Variants in RTL10 observed in about 807,000 individuals in gnomAD.
RTL10 encodes retrotransposon Gag like 10.
For synonymous variants in RTL10, 199 were observed against 188.4 expected, an observed-to-expected ratio of 1.06 and a Z score of -0.46; for missense variants, 477 against 470.7, an observed-to-expected ratio of 1.01 and a Z score of -0.12.
At position 19,852,099 on chromosome 22, in the gene RTL10, T is replaced by C; in HGVS notation, c.163A>G (p.Thr55Ala). The C allele has an allele frequency of 6.2e-7, 1 of 1,614,212 alleles. No individual in the cohort carries two copies. The highest frequency in any genetic ancestry group is 8.5e-7 in the Non-Finnish European group (1 of 1,180,038). The change falls in exon 3 of 3, where the codon ACC becomes GCC. Residue 55 changes from threonine to alanine, a missense_variant. Thr to Ala is a moderately conservative substitution (Grantham distance 58). Coordinates refer to ENST00000328554, the MANE Select transcript of RTL10 (RefSeq NM_024627.6). ...TCCATGGTCGTTCGCACACACACGG[T>C]GTCCCCACAGCAGGGCCGCTCAATC... Reference protein sequence around the residue: ...PWIERPCCGDTVCVRTTMEQK... With the variant: ...PWIERPCCGDAVCVRTTMEQK...
rs1938037615 is a variant in RTL10 at position 19,849,330 on chromosome 22, C to CAA, written c.*1835_*1836dup. ...AGTGATAGTTACCATAAAATAATCCCAACAATTTATATTTTTCTAAATAAG... is the reference window on the plus strand; with the variant it reads ...AGTGATAGTTACCATAAAATAATCCCAAAACAATTTATATTTTTCTAAATAAG... On this transcript the variant is annotated 3_prime_UTR_variant, in exon 3 of 3. Transcript: ENST00000328554. 1.0e-6 allele frequency: 1 copy of CAA among 968,800 alleles called. No individual in the cohort carries two copies. The highest frequency in any genetic ancestry group is 1.2e-6 in the Non-Finnish European group (1 of 817,126). 60.0% of individuals were successfully genotyped at this position (968,800 alleles called of 1,614,324 possible).
At chr22:19,853,330 CCCCT>C (rs1411840459) in intron 2 of RTL10, among the ~76,000 whole-genome samples, 1 of 152,172 alleles carries the variant, frequency 6.6e-6, no homozygotes, top group Non-Finnish European at 1.5e-5. Flanking sequence ...GCTGGACCCG[CCCCT>C]CCTTCTCCAC....
At position 19,848,288 on chromosome 22, in the gene RTL10, C is replaced by A. The variant is rs1385328404; in HGVS notation, c.*2879G>T. On this transcript the variant is annotated 3_prime_UTR_variant, in exon 3 of 3. Coordinates refer to ENST00000328554, the MANE Select transcript of RTL10 (RefSeq NM_024627.6). Reference sequence around the variant, plus strand: ...AAGCAGAGCCAGCACCATGGCCCGTCCCTGAGCATGTCCAGCAAACCCTGC... The same window carrying A: ...AAGCAGAGCCAGCACCATGGCCCGTACCTGAGCATGTCCAGCAAACCCTGC... 2.0e-6 allele frequency: 2 copies of A among 985,362 alleles called. No homozygotes were observed. The highest frequency in any genetic ancestry group is 4.7e-5 in the South Asian group (1 of 21,296). 61.0% of individuals were successfully genotyped at this position (985,362 alleles called of 1,614,324 possible).
rs754490031 is a variant in RTL10 at position 19,851,199 on chromosome 22, G to C, written c.1063C>G (p.Pro355Ala). ...PQEVVEAPET[P>A]GEPPLSPGF is the part of the protein sequence containing the mutation. Reference sequence around the variant, plus strand: ...CCAGGAGAAAGTGGTGGCTCTCCTGGGGTCTCCGGGGCCTCCACCACCTCC... The same window carrying C: ...CCAGGAGAAAGTGGTGGCTCTCCTGCGGTCTCCGGGGCCTCCACCACCTCC... Residue 355 changes from proline (P) to alanine (A), a missense_variant, in exon 3 of 3, where the codon CCA becomes GCA. By Grantham distance (27) the Pro-to-Ala change is conservative (BLOSUM62 -1). Transcript: ENST00000328554. 2.5e-6 allele frequency: 4 copies of C among 1,591,778 alleles called. No individual in the cohort carries two copies. The highest frequency in any genetic ancestry group is 3.4e-6 in the Non-Finnish European group (4 of 1,168,452).
At position 19,849,310 on chromosome 22, in the gene RTL10, T is replaced by C. The variant is rs990696885; in HGVS notation, c.*1857A>G. On this transcript the variant is annotated 3_prime_UTR_variant, in exon 3 of 3. Transcript: ENST00000328554. ...CTGAACCCAGAGCCTTTTCTAGTGA[T>C]AGTTACCATAAAATAATCCCAACAA... is the stretch of plus-strand genomic sequence containing the variant. 8.1e-5 allele frequency: 79 copies of C among 978,802 alleles called. No individual in the cohort carries two copies. Among genetic ancestry groups the C allele is most frequent in the Non-Finnish European group, 8.0e-5 (66 of 824,288 alleles). The allele number at this position is 978,802 out of a possible 1,614,324, so 60.6% of individuals were successfully genotyped here.
Position 19,851,772 on chromosome 22 carries a change from G to A in RTL10, c.490C>T (p.Leu164=), listed in dbSNP as rs1459841734. Residue 164 remains leucine, a synonymous_variant, in exon 3 of 3, where the codon CTG becomes TTG. Coordinates refer to ENST00000328554, the MANE Select transcript of RTL10 (RefSeq NM_024627.6). ...AAPYLDGDLP[L]PDDYELFCQD... is the part of the protein sequence containing the mutation. ...CAGAAGAGCTCGTAATCGTCAGGCA[G>A]GGGCAGGTCCCCATCAAGGTAGGGG... 1.9e-6 allele frequency: 3 copies of A among 1,612,842 alleles called. No individual in the cohort carries two copies. In the South Asian group the frequency reaches 3.3e-5, roughly 18 times the overall value.
In RTL10 at chr22:19,851,817, G is replaced by C; in HGVS notation, c.445C>G (p.Arg149Gly). 6.2e-7 allele frequency: 1 copy of C among 1,614,024 alleles called. No individual in the cohort carries two copies. The highest frequency in any genetic ancestry group is 1.1e-5 in the South Asian group (1 of 91,084). ...VCEILRRLTG[R>G]AQAWAAPYLD... is the part of the protein sequence containing the mutation. ...TAGGGGGCTGCCCAGGCCTGGGCTC[G>C]GCCTGTTAGGCGCCTGAGGATCTCG... is the stretch of plus-strand genomic sequence containing the variant. Residue 149 changes from arginine (R) to glycine (G), a missense_variant, in exon 3 of 3, where the codon CGA becomes GGA. Coordinates refer to ENST00000328554, the MANE Select transcript of RTL10 (RefSeq NM_024627.6).
chr22:19,847,803 G>GGAAA lies in RTL10; in HGVS notation c.*3363_*3364insTTTC, dbSNP rs1468350618. Reference sequence around the variant, plus strand: ...AACTTTTAAAATCCTGGAATCATAGGCAAAAAAAAAAAAAAAAAAAAATTC... The same window carrying GGAAA: ...AACTTTTAAAATCCTGGAATCATAGGGAAACAAAAAAAAAAAAAAAAAAAAATTC... On this transcript the variant is annotated 3_prime_UTR_variant, in exon 3 of 3. Coordinates refer to ENST00000328554, the MANE Select transcript of RTL10 (RefSeq NM_024627.6). 2 of 439,104 alleles carry GGAAA rather than the reference G, an allele frequency of 4.6e-6. No individual in the cohort carries two copies. The highest frequency in any genetic ancestry group is 8.9e-5 in the African/African-American group (2 of 22,440). 27.2% of individuals were successfully genotyped at this position (439,104 alleles called of 1,614,324 possible). A position where few individuals can be genotyped will look rare whatever the true frequency, so the allele number is the denominator to read the frequency against.
rs1211492872 is a variant in RTL10 at position 19,849,183 on chromosome 22, T to C, written c.*1984A>G. 7 of 985,450 alleles carry C rather than the reference T, an allele frequency of 7.1e-6. No individual in the cohort carries two copies. Among genetic ancestry groups the C allele is most frequent in the Non-Finnish European group, 8.4e-6 (7 of 829,932 alleles). The allele number at this position is 985,450 out of a possible 1,614,324, so 61.0% of individuals were successfully genotyped here. On this transcript the variant is annotated 3_prime_UTR_variant, in exon 3 of 3. Transcript: ENST00000328554. ...AGCTCACTTGCTTTGCTACCAGGGCTATACCTGCTTTCTAAAAATAGCTTC... is the reference window on the plus strand; with the variant it reads ...AGCTCACTTGCTTTGCTACCAGGGCCATACCTGCTTTCTAAAAATAGCTTC...
In RTL10 at chr22:19,848,415, A is replaced by G; in HGVS notation, c.*2752T>C. Reference sequence around the variant, plus strand: ...GGGAATGCCTCCTTCCCCCAGCAGGAAAGCAGCTTGGTCATCATCTGTCTG... The same window carrying G: ...GGGAATGCCTCCTTCCCCCAGCAGGGAAGCAGCTTGGTCATCATCTGTCTG... On this transcript the variant is annotated 3_prime_UTR_variant, in exon 3 of 3. Transcript: ENST00000328554. The G allele has an allele frequency of 2.3e-5, 23 of 985,514 alleles. No homozygotes were observed. The highest frequency in any genetic ancestry group is 2.8e-5 in the Non-Finnish European group (23 of 830,002). 61.0% of individuals were successfully genotyped at this position (985,514 alleles called of 1,614,324 possible).
Position 19,851,107 on chromosome 22 carries a change from G to T in RTL10, c.*60C>A. The stretch of plus-strand genomic sequence containing the variant: ...CTGCTCTGACTGGGGACTATGGGGC[G>T]CTCAAGCCACACAGGCCACTTCATC... On this transcript the variant is annotated 3_prime_UTR_variant, in exon 3 of 3. Transcript: ENST00000328554. 1 of 1,507,536 alleles carries T rather than the reference G, an allele frequency of 6.6e-7. No individual in the cohort carries two copies. The allele number at this position is 1,507,536 out of a possible 1,614,324, so 93.4% of individuals were successfully genotyped here. A position where few individuals can be genotyped will look rare whatever the true frequency, so the allele number is the denominator to read the frequency against.
rs1937997597 is a variant in RTL10, at chr22:19,847,804, C to CAAAAAAAAGAAAAAAAAAAA, written c.*3362_*3363insTTTTTTTTTTTCTTTTTTTT. 1 of 533,108 alleles carries CAAAAAAAAGAAAAAAAAAAA rather than the reference C, an allele frequency of 1.9e-6. No homozygotes were observed. Among genetic ancestry groups the CAAAAAAAAGAAAAAAAAAAA allele is most frequent in the Non-Finnish European group, 2.2e-6 (1 of 447,428 alleles). The allele number at this position is 533,108 out of a possible 1,614,324, so 33.0% of individuals were successfully genotyped here. A position where few individuals can be genotyped will look rare whatever the true frequency, so the allele number is the denominator to read the frequency against. On this transcript the variant is annotated 3_prime_UTR_variant, in exon 3 of 3. Transcript: ENST00000328554. Reference sequence around the variant, plus strand: ...ACTTTTAAAATCCTGGAATCATAGGCAAAAAAAAAAAAAAAAAAAAATTCA... The same window carrying CAAAAAAAAGAAAAAAAAAAA: ...ACTTTTAAAATCCTGGAATCATAGGCAAAAAAAAGAAAAAAAAAAAAAAAAAAAAAAAAAAAAAAAATTCA...
At position 19,848,408 on chromosome 22, in the gene RTL10, CA is replaced by C; in HGVS notation, c.*2758del. Reference sequence around the variant, plus strand: ...ACCCAGGGGGAATGCCTCCTTCCCCCAGCAGGAAAGCAGCTTGGTCATCATC... The same window carrying C: ...ACCCAGGGGGAATGCCTCCTTCCCCCGCAGGAAAGCAGCTTGGTCATCATC... On this transcript the variant is annotated 3_prime_UTR_variant, in exon 3 of 3. Coordinates refer to ENST00000328554, the MANE Select transcript of RTL10 (RefSeq NM_024627.6). The C allele has an allele frequency of 3.0e-6, 3 of 985,504 alleles. No individual in the cohort carries two copies. Among genetic ancestry groups the C allele is most frequent in the Non-Finnish European group, 3.6e-6 (3 of 830,000 alleles). The allele number at this position is 985,504 out of a possible 1,614,324, so 61.0% of individuals were successfully genotyped here. A position where few individuals can be genotyped will look rare whatever the true frequency, so the allele number is the denominator to read the frequency against.
In RTL10 at chr22:19,848,119, T is replaced by C; in HGVS notation, c.*3048A>G. ...AATATTCCAATATCCCATAGGACCT[T>C]ATCCTTAGTACTTCCTATTTTAAAG... On this transcript the variant is annotated 3_prime_UTR_variant, in exon 3 of 3. Transcript: ENST00000328554. 1.0e-6 allele frequency: 1 copy of C among 984,724 alleles called. No individual in the cohort carries two copies. Among genetic ancestry groups the C allele is most frequent in the Non-Finnish European group, 1.2e-6 (1 of 829,524 alleles). 61.0% of individuals were successfully genotyped at this position (984,724 alleles called of 1,614,324 possible).
At position 19,851,337 on chromosome 22, in the gene RTL10, G is replaced by A; in HGVS notation, c.925C>T (p.Pro309Ser). Residue 309 changes from proline to serine, a missense_variant, in exon 3 of 3, where the codon CCT (proline) becomes TCT (serine). Pro to Ser is a moderately conservative substitution (Grantham distance 74). Transcript: ENST00000328554. ...PVPRLSESAN[P>S]PAQRPDPAHP... is the part of the protein sequence containing the mutation. Reference sequence around the variant, plus strand: ...GCTGGGTCTGGTCTCTGGGCAGGAGGATTAGCTGACTCCGACAGTCTAGGG... The same window carrying A: ...GCTGGGTCTGGTCTCTGGGCAGGAGAATTAGCTGACTCCGACAGTCTAGGG... 1.2e-6 allele frequency: 2 copies of A among 1,614,138 alleles called. No individual in the cohort carries two copies. Among genetic ancestry groups the A allele is most frequent in the African/African-American group, 1.3e-5 (1 of 75,034 alleles).
In RTL10 at chr22:19,847,769, G is replaced by A; in HGVS notation, c.*3398C>T. 1 of 896,478 alleles carries A rather than the reference G, an allele frequency of 1.1e-6. No individual in the cohort carries two copies. Among genetic ancestry groups the A allele is most frequent in the Non-Finnish European group, 1.3e-6 (1 of 766,424 alleles). 55.5% of individuals were successfully genotyped at this position (896,478 alleles called of 1,614,324 possible). A position where few individuals can be genotyped will look rare whatever the true frequency, so the allele number is the denominator to read the frequency against. On this transcript the variant is annotated 3_prime_UTR_variant, in exon 3 of 3. Transcript: ENST00000328554. ...ACTTCTCCATACCTCCACAACTCTG[G>A]GCATCTAAAACTTTTAAAATCCTGG...
At position 19,852,143 on chromosome 22, in the gene RTL10, G is replaced by C; in HGVS notation, c.119C>G (p.Thr40Ser). The C allele has an allele frequency of 6.2e-7, 1 of 1,614,182 alleles. No individual in the cohort carries two copies. The highest frequency in any genetic ancestry group is 8.5e-7 in the Non-Finnish European group (1 of 1,180,042). Residue 40 changes from threonine to serine, a missense_variant, in exon 3 of 3, where the codon ACC becomes AGC. Thr to Ser is a moderately conservative substitution (Grantham distance 58). Transcript: ENST00000328554. ...CTCAATCCAGGGATCCACAAGGGGG[G>C]TGTATGCCACCCCAGGAGACGCCTT... ...MDKASPGVAY[T>S]PLVDPWIERP...
rs1601358910 is a variant in RTL10, at chr22:19,851,935, G to A, written c.327C>T (p.Gly109=). The A allele has an allele frequency of 6.2e-7, 1 of 1,614,110 alleles. No homozygotes were observed. The highest frequency in any genetic ancestry group is 2.2e-5 in the East Asian group (1 of 44,878). ...VPGSDPGTFD[G]SPWLLDRFLA... ...AGAAGCGGTCCAGTAGCCACGGGGA[G>A]CCATCAAAGGTGCCTGGGTCTGAGC... The change falls in exon 3 of 3, where the codon GGC becomes GGT. Residue 109 remains glycine (G), a synonymous_variant. Coordinates refer to ENST00000328554, the MANE Select transcript of RTL10 (RefSeq NM_024627.6).
At position 19,852,019 on chromosome 22, in the gene RTL10, G is replaced by A. The variant is rs1938116531; in HGVS notation, c.243C>T (p.Pro81=). The A allele has an allele frequency of 6.2e-7, 1 of 1,614,192 alleles. No individual in the cohort carries two copies. The highest frequency in any genetic ancestry group is 2.2e-5 in the East Asian group (1 of 44,886). ...TCGGKPAERG[P]LAGHMPSSRP... ...GGGAGCTGGGCATGTGCCCAGCTAGGGGACCCCTTTCTGCAGGTTTACCGC... is the reference window on the plus strand; with the variant it reads ...GGGAGCTGGGCATGTGCCCAGCTAGAGGACCCCTTTCTGCAGGTTTACCGC... The change falls in exon 3 of 3, where the codon CCC becomes CCT. Residue 81 remains proline, a synonymous_variant. Coordinates refer to ENST00000328554, the MANE Select transcript of RTL10 (RefSeq NM_024627.6).
Sources: gnomAD v4.1 joint callset for allele counts (sites outside exome capture counted in the v4.1 genomes callset) on GRCh38, gnomAD v4.1.1 for gene constraint, MANE v1.5 for transcripts, NCBI Gene and HGNC (gene_info 2026-07-23, HGNC 2026-07-21) for gene names.